Variants in STK32B observed in about 807,000 individuals in gnomAD.
The protein encoded by STK32B is serine/threonine-protein kinase 32B.
Under a neutral mutation model 52.6 loss-of-function variants are expected in STK32B, and 43 were observed. The ratio of observed to expected loss-of-function variants is 0.82; its 90% CI spans 0.64 to 1.05. The LOEUF (loss-of-function observed/expected upper bound fraction) is 1.05, where lower values mean the gene tolerates loss of function less well. STK32B is among the 50% of genes least tolerant of loss of function. The probability of loss-of-function intolerance (pLI) is 0.00; values close to 1 mark genes in which losing one functional copy is unlikely to be tolerated. For missense variants in STK32B, 621 were observed against 534.6 expected, an observed-to-expected ratio of 1.16 and a Z score of -1.59; for synonymous variants, 238 against 204.3, an observed-to-expected ratio of 1.17 and a Z score of -1.41.
At chr4:5,260,550 C>T (rs927217702) in intron 3 of STK32B, among the ~76,000 whole-genome samples, 10 of 152,230 alleles carry the variant, frequency 6.6e-5, no homozygotes, top group African/African-American at 2.4e-4. Context: ...CTAAAACTTG[C>T]TGGGGGAATA....
intron 3 of STK32B, among the ~76,000 whole-genome samples, chr4:5,327,278 C>T (rs1228307849): frequency 6.6e-6 from 1 of 150,690 alleles, no homozygotes; most frequent in African/African-American, 2.4e-5. Flanking sequence ...AGTACTTTGA[C>T]CTTTTCTCAT....
At chr4:5,022,376 G>A in the STK32B span, among the ~76,000 whole-genome samples, 2 of 152,178 alleles carry the variant, frequency 1.3e-5, no homozygotes, top group East Asian at 1.9e-4. Flanking sequence ...ACAGCCTGAC[G>A]TGGCTCCCCA....
intron 4 of STK32B, among the ~76,000 whole-genome samples, chr4:5,349,387 C>T (rs143254000): frequency 1.9e-3 from 295 of 152,076 alleles, no homozygotes; most frequent in African/African-American, 6.8e-3. Context: ...CTGTTTTATA[C>T]CTGAAGAAAC....
At chr4:5,098,199 C>G (rs80299384) in intron 1 of STK32B, among the ~76,000 whole-genome samples, 1 of 152,284 alleles carries the variant, frequency 6.6e-6, no homozygotes, top group East Asian at 1.9e-4. Context: ...TTGCATTGCA[C>G]AGGGTGTGGT....
chr4:5,279,339 A>G (rs918256863), intron 3 of STK32B, among the ~76,000 whole-genome samples: 1 of 152,254 alleles, frequency 6.6e-6, no homozygotes, highest in Non-Finnish European at 1.5e-5. Flanking sequence ...TTTGAAACCC[A>G]GTAAGGCAGT....
At chr4:5,449,598 C>T (rs912745112) in intron 7 of STK32B, among the ~76,000 whole-genome samples, 13 of 152,126 alleles carry the variant, frequency 8.5e-5, no homozygotes, top group African/African-American at 3.1e-4. Flanking sequence ...GGCCTGTGGC[C>T]TGTTAGGAAC....
At chr4:5,349,963 C>A (rs1733722457) in intron 4 of STK32B, among the ~76,000 whole-genome samples, 1 of 152,052 alleles carries the variant, frequency 6.6e-6, no homozygotes, top group Non-Finnish European at 1.5e-5. Context: ...AAATAATGAG[C>A]AAAGCCTATG....
intron 1 of STK32B, among the ~76,000 whole-genome samples, chr4:5,118,906 G>T (rs929440836): frequency 6.6e-6 from 1 of 152,116 alleles, no homozygotes; most frequent in Non-Finnish European, 1.5e-5. Flanking sequence ...TTCCTCCCAT[G>T]GCAGCCTCAG....
intron 6 of STK32B, among the ~76,000 whole-genome samples, chr4:5,428,320 A>AGT (rs1713268710): frequency 1.3e-5 from 2 of 152,196 alleles, no homozygotes; most frequent in South Asian, 4.2e-4. Flanking sequence ...AGGCAGGAGA[A>AGT]TGGCGTGAAC....
intron 3 of STK32B, among the ~76,000 whole-genome samples, chr4:5,296,440 G>A (rs1010596875): frequency 1.3e-5 from 2 of 152,142 alleles, no homozygotes; most frequent in African/African-American, 2.4e-5. Context: ...ATGAATCTGG[G>A]TGCTCCTGTA....
At chr4:5,143,973 C>T (rs1716708126) in intron 2 of STK32B, among the ~76,000 whole-genome samples, 1 of 152,228 alleles carries the variant, frequency 6.6e-6, no homozygotes, top group South Asian at 2.1e-4. Flanking sequence ...TCTGTACCTC[C>T]ACCTACTCCC....
chr4:5,242,935 A>G (rs946537989), intron 3 of STK32B, among the ~76,000 whole-genome samples: 90 of 152,248 alleles, frequency 5.9e-4, no homozygotes, highest in African/African-American at 1.9e-3. Context: ...CCATTGATCT[A>G]TATCTCTGTT....
chr4:5,389,833 G>T (rs948712325), intron 4 of STK32B, among the ~76,000 whole-genome samples: 4 of 152,208 alleles, frequency 2.6e-5, no homozygotes, highest in African/African-American at 7.2e-5. Context: ...TCAAGATGTG[G>T]GAAGAGTCTC....
chr4:5,409,410 C>G (rs183146867), intron 5 of STK32B, among the ~76,000 whole-genome samples: 2 of 152,214 alleles, frequency 1.3e-5, no homozygotes, highest in East Asian at 3.9e-4. Flanking sequence ...TAATATGATT[C>G]ATAAAATCAC....
At chr4:5,191,258 T>G (rs945505870) in intron 3 of STK32B, among the ~76,000 whole-genome samples, 1 of 116,420 alleles carries the variant, frequency 8.6e-6, no homozygotes, top group African/African-American at 3.8e-5. Context: ...CTGCATTCCT[T>G]TTTTTTTTTT....
chr4:5,154,799 G>A (rs1717662211), intron 2 of STK32B, among the ~76,000 whole-genome samples: 2 of 152,170 alleles, frequency 1.3e-5, no homozygotes, highest in African/African-American at 2.4e-5. Flanking sequence ...CCAACATGTG[G>A]TAAAGGCTCA....
chr4:5,254,561 T>C (rs1726167879), intron 3 of STK32B, among the ~76,000 whole-genome samples: 1 of 152,350 alleles, frequency 6.6e-6, no homozygotes, highest in South Asian at 2.1e-4. Context: ...AGTTTTAATA[T>C]GCCATGTATT....
rs74760287 is a variant in STK32B at position 5,345,963 on chromosome 4, C to T, written c.434+14570C>T. ...ATATTGTGGGACAGTGGCCCTTTCC[C>T]ATTGAGTTTGCATGAACTGATGGGA... On this transcript the variant is annotated intron_variant, in intron 4 of 11. Transcript: ENST00000282908. Among the ~76,000 whole-genome samples the T allele has an allele frequency of 1.3e-3, 200 of 152,306 alleles. 6 individuals are homozygous for T. The East Asian group carries it at 0.032, about 24-fold the overall frequency.
intron 1 of STK32B, among the ~76,000 whole-genome samples, chr4:5,059,680 A>G (rs1742146172): frequency 6.6e-6 from 1 of 152,256 alleles, no homozygotes; most frequent in South Asian, 2.1e-4. Context: ...AATACTCTAT[A>G]AAAGCACAAC....
Sources: allele counts gnomAD v4.1 joint callset (sites outside exome capture counted in the v4.1 genomes callset), GRCh38; gene constraint gnomAD v4.1.1; transcripts MANE v1.5; gene names NCBI Gene and HGNC (gene_info 2026-07-23, HGNC 2026-07-21).